VPS8: variants seen among roughly 807,000 people sequenced by gnomAD.
VPS8 encodes vacuolar protein sorting-associated protein 8 homolog.
A neutral mutation model predicts 216.4 loss-of-function variants in VPS8; 129 were observed. The observed-to-expected ratio is 0.60, with a 90% CI of 0.52 to 0.69. VPS8 has a LOEUF of 0.69. Ranked by LOEUF, VPS8 falls within the 30% of genes least tolerant of loss-of-function variation. VPS8 has a pLI of 0.00. For synonymous variants in VPS8, 571 were observed against 565.4 expected, an observed-to-expected ratio of 1.01 and a Z score of -0.14; for missense variants, 1,531 against 1,683.5, an observed-to-expected ratio of 0.91 and a Z score of 1.59.
chr3:184,906,567 A>G (rs972210316), intron 25 of VPS8, among the ~76,000 whole-genome samples: 3 of 152,218 alleles, frequency 2.0e-5, no homozygotes, highest in Admixed American at 6.5e-5. Flanking sequence ...TTGAAGGACT[A>G]TGATTACTCA....
At chr3:184,958,639 C>T (rs1745999802) in intron 37 of VPS8, among the ~76,000 whole-genome samples, 1 of 152,094 alleles carries the variant, frequency 6.6e-6, no homozygotes, top group African/African-American at 2.4e-5. Context: ...GTGTGCAGAG[C>T]TTCAGGAAAA....
chr3:184,920,931 TTATA>T (rs1203007865), intron 29 of VPS8, among the ~76,000 whole-genome samples: 1 of 152,242 alleles, frequency 6.6e-6, no homozygotes, highest in Non-Finnish European at 1.5e-5. Context: ...TTCTGTATGT[TTATA>T]TACGTTATTT....
At chr3:185,033,373 G>A (rs1485063583) in intron 46 of VPS8, among the ~76,000 whole-genome samples, 4 of 152,096 alleles carry the variant, frequency 2.6e-5, no homozygotes, top group Admixed American at 1.3e-4. Context: ...GCATGTAATC[G>A]CATAGTATAT....
intron 34 of VPS8, 90 bp from the exon 35 acceptor site, chr3:184,936,156 G>C: frequency 9.1e-7 from 1 of 1,098,032 alleles, no homozygotes; most frequent in Non-Finnish European, 1.3e-6. Flanking sequence ...GCTTGCGACT[G>C]TATTGAGGTA....
At chr3:184,898,262 A>G (rs1002073526) in intron 23 of VPS8, among the ~76,000 whole-genome samples, 2 of 152,188 alleles carry the variant, frequency 1.3e-5, no homozygotes, top group Admixed American at 6.5e-5. Flanking sequence ...ATATGTGTTC[A>G]ATAAATATTT....
At chr3:185,024,216 C>T (rs1020430078) in intron 45 of VPS8, 120 bp from the exon 46 acceptor site, 3 of 915,596 alleles carry the variant, frequency 3.3e-6, no homozygotes, top group Admixed American at 6.2e-5. Flanking sequence ...TATTAATTTC[C>T]TCTGGAAATG....
chr3:184,995,609 G>A, intron 43 of VPS8, among the ~76,000 whole-genome samples: 2 of 152,160 alleles, frequency 1.3e-5, no homozygotes, highest in Admixed American at 1.3e-4. Flanking sequence ...TTCCCCTTCG[G>A]GACTGAGAGA....
intron 46 of VPS8, among the ~76,000 whole-genome samples, chr3:185,029,317 GTTC>G (rs1197694935): frequency 6.6e-6 from 1 of 152,180 alleles, no homozygotes; most frequent in Non-Finnish European, 1.5e-5. Context: ...AAGCAGCAGT[GTTC>G]TTCATTTAGC....
chr3:185,015,612 G>A (rs894373473), intron 45 of VPS8, among the ~76,000 whole-genome samples: 15 of 152,300 alleles, frequency 9.8e-5, no homozygotes, highest in Admixed American at 4.6e-4. Flanking sequence ...TGGTTTAAAT[G>A]TAGTTATTTT....
chr3:185,034,255 C>G (rs1305853519), intron 46 of VPS8, among the ~76,000 whole-genome samples: 1 of 152,108 alleles, frequency 6.6e-6, no homozygotes, highest in Non-Finnish European at 1.5e-5. Flanking sequence ...CCATGTGTAC[C>G]AGATTTTCTT....
intron 21 of VPS8, among the ~76,000 whole-genome samples, chr3:184,872,406 A>G (rs1335234009): frequency 6.6e-6 from 1 of 152,110 alleles, no homozygotes; most frequent in Non-Finnish European, 1.5e-5. Context: ...AATCTCAGAT[A>G]CGGGAACTGT....
At chr3:185,039,526 G>A (rs1759355426) in intron 46 of VPS8, among the ~76,000 whole-genome samples, 1 of 151,686 alleles carries the variant, frequency 6.6e-6, no homozygotes, top group Non-Finnish European at 1.5e-5. Context: ...TGACACTGTG[G>A]GGTTTTTTTT....
chr3:185,031,730 A>C (rs1385790365), intron 46 of VPS8, among the ~76,000 whole-genome samples: 1 of 152,212 alleles, frequency 6.6e-6, no homozygotes, highest in African/African-American at 2.4e-5. Context: ...CTTGAGTGAC[A>C]CTACATTACC....
At chr3:184,886,257 T>A in intron 22 of VPS8, 101 bp downstream of exon 22, 2 of 1,087,226 alleles carry the variant, frequency 1.8e-6, no homozygotes, top group Non-Finnish European at 2.7e-6. Context: ...TGAATAGATT[T>A]AAAAATATTA....
intron 34 of VPS8, among the ~76,000 whole-genome samples, chr3:184,931,697 GTGT>G (rs1259951200): frequency 6.6e-6 from 1 of 152,080 alleles, no homozygotes; most frequent in Admixed American, 6.6e-5. Context: ...ATGTTATTTA[GTGT>G]TGTTATATTT....
intron 25 of VPS8, among the ~76,000 whole-genome samples, chr3:184,906,717 C>G (rs577410731): frequency 6.6e-6 from 1 of 152,146 alleles, no homozygotes; most frequent in Admixed American, 6.5e-5. Flanking sequence ...GTAAAGGATC[C>G]TCTTTGGAAT....
intron 3 of VPS8, among the ~76,000 whole-genome samples, chr3:184,827,734 G>C (rs1011970398): frequency 6.6e-6 from 1 of 152,154 alleles, no homozygotes; most frequent in African/African-American, 2.4e-5. Flanking sequence ...GTCATTAGTG[G>C]TTTACTAAGA....
chr3:184,828,532 T>G (rs1037693512), intron 3 of VPS8, among the ~76,000 whole-genome samples: 6 of 152,176 alleles, frequency 3.9e-5, no homozygotes, highest in South Asian at 2.1e-4. Context: ...TTGCCATCCT[T>G]TGAAACTATG....
At chr3:184,863,340 G>A (rs902508398) in intron 16 of VPS8, among the ~76,000 whole-genome samples, 9 of 152,036 alleles carry the variant, frequency 5.9e-5, no homozygotes, top group Admixed American at 3.3e-4. Flanking sequence ...AAATAATGAC[G>A]TATAATGGAA....
Sources: gnomAD v4.1 joint callset for allele counts (sites outside exome capture counted in the v4.1 genomes callset) on GRCh38, gnomAD v4.1.1 for gene constraint, MANE v1.5 for transcripts, NCBI Gene and HGNC (gene_info 2026-07-23, HGNC 2026-07-21) for gene names.